The following INPP4B variants were observed in gnomAD, a reference collection of about 807,000 sequenced individuals.
INPP4B encodes inositol polyphosphate-4-phosphatase type II B, also known as inositol polyphosphate 4-phosphatase type II.
In INPP4B, 55 loss-of-function variants were observed where a neutral mutation model predicts 122.5. That is an observed-to-expected ratio of 0.45 (90% CI 0.36 to 0.56). INPP4B has a LOEUF of 0.56. INPP4B is among the 20% of genes least tolerant of loss of function. INPP4B has a pLI of 0.00. For synonymous variants in INPP4B, 403 were observed against 388.7 expected (o/e 1.04, Z -0.43); for missense variants, 1,000 against 1,097.7 (o/e 0.91, Z 1.26).
chr4:142,613,494 C>T (rs569690081), intron 2 of INPP4B, among the ~76,000 whole-genome samples: 13 of 152,272 alleles, frequency 8.5e-5, no homozygotes, highest in African/African-American at 3.1e-4. Context: ...CATACATACA[C>T]TGATTATACT....
In INPP4B at chr4:142,486,393, T is replaced by C. The variant is rs574067348; in HGVS notation, c.-190-23667A>G. ...CTTTTAGTTTTAAGCATTTTCATCA[T>C]GCTTATCACCCATTTGTTACATCTT... On this transcript the variant is annotated intron_variant, in intron 2 of 25. Coordinates refer to ENST00000262992, the MANE Select transcript of INPP4B (RefSeq NM_001101669.3). 5.3e-5 allele frequency among the ~76,000 whole-genome samples: 8 copies of C among 152,318 alleles called. No homozygotes were observed. In the East Asian group the frequency reaches 5.8e-4, roughly 11 times the overall value.
chr4:142,445,181 T>TA (rs1022097208), intron 3 of INPP4B, among the ~76,000 whole-genome samples: 7 of 149,250 alleles, frequency 4.7e-5, no homozygotes, highest in Admixed American at 1.3e-4. Flanking sequence ...TAAATTATAA[T>TA]AAAAAAAGAA....
In INPP4B at chr4:142,148,335, C is replaced by T. The variant is rs144828888; in HGVS notation, c.1564-2339G>A. Among the ~76,000 whole-genome samples the T allele has an allele frequency of 1.1e-4, 16 of 152,226 alleles. No individual in the cohort carries two copies. The East Asian group carries it at 3.1e-3, about 30-fold the overall frequency. ...GTTCAAATGATCCTCCCACCTCAGC[C>T]TCCCAAGTAGCTGGGACCACAGGCA... On this transcript the variant is annotated intron_variant, in intron 17 of 25. Coordinates refer to ENST00000262992, the MANE Select transcript of INPP4B (RefSeq NM_001101669.3).
chr4:142,200,190 T>C (rs1251996471), intron 14 of INPP4B, among the ~76,000 whole-genome samples: 22 of 152,022 alleles, frequency 1.4e-4, no homozygotes, highest in Admixed American at 1.4e-3. Context: ...ATCTTTTTGC[T>C]GTTCAGGTTG....
intron 15 of INPP4B, among the ~76,000 whole-genome samples, chr4:142,186,310 T>C (rs1833190875): frequency 6.6e-6 from 1 of 152,210 alleles, no homozygotes; most frequent in Admixed American, 6.5e-5. Context: ...AGCACTATTA[T>C]TTCCACTTTA....
intron 1 of INPP4B, among the ~76,000 whole-genome samples, chr4:142,735,924 AAC>A (rs33993491): frequency 0.36 from 51,789 of 142,392 alleles, 10,004 homozygotes; most frequent in Non-Finnish European, 0.45. Context: ...TATACATTGC[AAC>A]ACACACACAC....
intron 1 of INPP4B, among the ~76,000 whole-genome samples, chr4:142,841,891 A>G (rs1392475945): frequency 6.6e-6 from 1 of 151,884 alleles, no homozygotes; most frequent in Non-Finnish European, 1.5e-5. Flanking sequence ...AAGAAAAACA[A>G]TTGAGTAATT....
intron 18 of INPP4B, among the ~76,000 whole-genome samples, chr4:142,139,250 C>G (rs1220992215): frequency 6.6e-6 from 1 of 152,058 alleles, no homozygotes; most frequent in Non-Finnish European, 1.5e-5. Flanking sequence ...AGGCTTAATG[C>G]CTGAACTATT....
intron 21 of INPP4B, 76 bp downstream of exon 21, chr4:142,122,052 C>T (rs750543912): frequency 3.3e-4 from 295 of 883,406 alleles, no homozygotes; most frequent in Non-Finnish European, 4.7e-4. Flanking sequence ...AACCTGAATT[C>T]TCCTTGCCTC....
chr4:142,146,442 G>T (rs1262436364), intron 17 of INPP4B, among the ~76,000 whole-genome samples: 2 of 152,034 alleles, frequency 1.3e-5, no homozygotes, highest in Non-Finnish European at 2.9e-5. Flanking sequence ...GTAGCATTAA[G>T]TATATTCACA....
intron 7 of INPP4B, among the ~76,000 whole-genome samples, chr4:142,388,080 T>C (rs1796523176): frequency 6.6e-6 from 1 of 152,218 alleles, no homozygotes; most frequent in Non-Finnish European, 1.5e-5. Context: ...AAATCTTCCT[T>C]CCTCTGAGCT....
intron 1 of INPP4B, among the ~76,000 whole-genome samples, chr4:142,797,400 C>A (rs776353681): frequency 6.6e-6 from 1 of 151,714 alleles, no homozygotes; most frequent in African/African-American, 2.4e-5. Flanking sequence ...TCATGATTAC[C>A]ATCAGAAAAA....
At chr4:142,745,084 A>G (rs1768508425) in intron 1 of INPP4B, among the ~76,000 whole-genome samples, 1 of 151,884 alleles carries the variant, frequency 6.6e-6, no homozygotes, top group South Asian at 2.1e-4. Flanking sequence ...GTGAAGGGTT[A>G]GGTGTTAAGT....
chr4:142,635,917 C>T (rs115197220), intron 2 of INPP4B, among the ~76,000 whole-genome samples: 1,753 of 152,216 alleles, frequency 0.012, 30 homozygotes, highest in African/African-American at 0.032. Context: ...ACAAAAATAA[C>T]TGCATTTCTA....
chr4:142,455,358 TC>T (rs1320852308), intron 3 of INPP4B, among the ~76,000 whole-genome samples: 4 of 151,988 alleles, frequency 2.6e-5, no homozygotes, highest in African/African-American at 9.7e-5. Flanking sequence ...ACCCTCTAAG[TC>T]TAAGAGTTCA....
At chr4:142,732,410 T>TGG (rs1766235706) in intron 1 of INPP4B, among the ~76,000 whole-genome samples, 4 of 151,980 alleles carry the variant, frequency 2.6e-5, no homozygotes, top group Non-Finnish European at 5.9e-5. Context: ...ATTCATTTCT[T>TGG]TTAATAAATG....
intron 10 of INPP4B, among the ~76,000 whole-genome samples, chr4:142,269,004 T>C (rs1399087351): frequency 6.6e-6 from 1 of 152,084 alleles, no homozygotes; most frequent in African/African-American, 2.4e-5. Context: ...TAACCCCCTA[T>C]AAAATAGCCT....
At chr4:142,488,910 A>G (rs1821512989) in intron 2 of INPP4B, among the ~76,000 whole-genome samples, 2 of 150,384 alleles carry the variant, frequency 1.3e-5, no homozygotes, top group African/African-American at 4.9e-5. Context: ...GTTTTAATTT[A>G]CTCTCCCTTT....
At chr4:142,277,633 G>A (rs1444871054) in intron 9 of INPP4B, among the ~76,000 whole-genome samples, 3 of 151,174 alleles carry the variant, frequency 2.0e-5, no homozygotes, top group East Asian at 3.9e-4. Context: ...CAGCCCAAAT[G>A]CCCATCTATC....
Sources: gnomAD v4.1 joint callset for allele counts (sites outside exome capture counted in the v4.1 genomes callset) on GRCh38, gnomAD v4.1.1 for gene constraint, MANE v1.5 for transcripts, NCBI Gene and HGNC (gene_info 2026-07-23, HGNC 2026-07-21) for gene names.